TMEM229B: variants seen among roughly 807,000 people sequenced by gnomAD.
The protein encoded by TMEM229B is chromosome 14 open reading frame 83.
Under a neutral mutation model 13.7 loss-of-function variants are expected in TMEM229B, and 6 were observed. The ratio of observed to expected loss-of-function variants is 0.44; its 90% CI spans 0.24 to 0.86. The LOEUF is 0.86. Among genes scored for constraint, TMEM229B ranks in the 40% least tolerant of loss-of-function variants. The probability of loss-of-function intolerance (pLI) is 0.23; values close to 1 mark genes in which losing one functional copy is unlikely to be tolerated. For synonymous variants in TMEM229B, 107 were observed against 102.1 expected, an observed-to-expected ratio of 1.05 and a Z score of -0.29; for missense variants, 170 against 236.0, an observed-to-expected ratio of 0.72 and a Z score of 1.83.
intron 2 of TMEM229B, among the ~76,000 whole-genome samples, chr14:67,475,968 C>T (rs1482382546): frequency 6.6e-6 from 1 of 152,246 alleles, no homozygotes; most frequent in Non-Finnish European, 1.5e-5. Context: ...CAGGCCCGTC[C>T]TGGGCAGGCC....
upstream of TMEM229B, among the ~76,000 whole-genome samples, chr14:67,489,476 C>T (rs560081850): frequency 2.6e-5 from 4 of 152,334 alleles, no homozygotes; most frequent in East Asian, 1.9e-4. Context: ...ATGCCTGAGA[C>T]GCTGCTGGGA....
chr14:67,496,391 GTTTTTTTTTTTTTT>G lies in TMEM229B; in HGVS notation c.-191-9233_-191-9220del, dbSNP rs555715850. Reference sequence around the variant, plus strand: ...TACAGGTGTGAGCCACTGCTCCGGCGTTTTTTTTTTTTTTTTTTTTTTTTTTTTTTGAGACAGGG... The same window carrying G: ...TACAGGTGTGAGCCACTGCTCCGGCGTTTTTTTTTTTTTTTTGAGACAGGG... On this transcript the variant is annotated intron_variant, in intron 1 of 2. Coordinates refer to the TMEM229B transcript ENST00000357461. Among the ~76,000 whole-genome samples the G allele has an allele frequency of 4.0e-4, 12 of 30,108 alleles. 1 individual carries two copies. The highest frequency in any genetic ancestry group is 1.9e-3 in the Admixed American group (3 of 1,550). 19.8% of individuals were successfully genotyped at this position (30,108 alleles called of 152,430 possible). A position where few individuals can be genotyped will look rare whatever the true frequency, so the allele number is the denominator to read the frequency against.
chr14:67,480,845 GT>G (rs1178747085), intron 2 of TMEM229B, among the ~76,000 whole-genome samples: 1 of 152,162 alleles, frequency 6.6e-6, no homozygotes, highest in Non-Finnish European at 1.5e-5. Flanking sequence ...GCCCAGACCG[GT>G]TTCCCAGCTG....
intron 2 of TMEM229B, among the ~76,000 whole-genome samples, chr14:67,483,355 A>T (rs2031698198): frequency 6.6e-6 from 1 of 152,062 alleles, no homozygotes; most frequent in Non-Finnish European, 1.5e-5. Context: ...TGGGATTCAA[A>T]CCCCACAAAT....
chr14:67,499,727 C>T (rs894047178), intron 1 of TMEM229B, among the ~76,000 whole-genome samples: 2 of 152,112 alleles, frequency 1.3e-5, no homozygotes, highest in African/African-American at 4.8e-5. Context: ...GTTAAAAAGG[C>T]AGTGCCAGAA....
chr14:67,498,451 A>G (rs2032478745), intron 1 of TMEM229B, among the ~76,000 whole-genome samples: 1 of 152,062 alleles, frequency 6.6e-6, no homozygotes, highest in African/African-American at 2.4e-5. Context: ...CTTTCCCTTT[A>G]TTTCTTTCTC....
At chr14:67,509,131 T>A (rs1327247774) in intron 1 of TMEM229B, among the ~76,000 whole-genome samples, 1 of 152,136 alleles carries the variant, frequency 6.6e-6, no homozygotes. Context: ...GAAATGGGGT[T>A]TATGAGATGT....
At chr14:67,506,581 G>T (rs2032834258) in intron 1 of TMEM229B, among the ~76,000 whole-genome samples, 1 of 152,186 alleles carries the variant, frequency 6.6e-6, no homozygotes, top group South Asian at 2.1e-4. Context: ...AGACAGGTAG[G>T]GATGGAAAAT....
intron 1 of TMEM229B, among the ~76,000 whole-genome samples, chr14:67,520,912 A>G (rs2033282128): frequency 6.6e-6 from 1 of 152,252 alleles, no homozygotes; most frequent in Non-Finnish European, 1.5e-5. Context: ...AAGCAGATGT[A>G]GCAATTTTGC....
At chr14:67,512,063 T>C (rs1247233322) in intron 1 of TMEM229B, among the ~76,000 whole-genome samples, 1 of 152,248 alleles carries the variant, frequency 6.6e-6, no homozygotes, top group Non-Finnish European at 1.5e-5. Context: ...ACGTAAATTC[T>C]GAGTGCATCT....
chr14:67,515,802 G>C (rs1347749252), upstream of TMEM229B, among the ~76,000 whole-genome samples: 1 of 150,502 alleles, frequency 6.6e-6, no homozygotes, highest in Non-Finnish European at 1.5e-5. Context: ...AGACCACGTG[G>C]TGTGGCAGAC....
At chr14:67,481,097 C>T (rs952053126) in intron 2 of TMEM229B, among the ~76,000 whole-genome samples, 5 of 151,936 alleles carry the variant, frequency 3.3e-5, no homozygotes, top group Non-Finnish European at 7.4e-5. Context: ...TCGAGACCAG[C>T]CTGGGCAACA....
At chr14:67,485,786 G>A (rs908803384) in intron 2 of TMEM229B, among the ~76,000 whole-genome samples, 7 of 152,368 alleles carry the variant, frequency 4.6e-5, no homozygotes, top group Middle Eastern at 3.4e-3. Flanking sequence ...GCAGGGCTGT[G>A]CAGTTAGGAG....
intron 1 of TMEM229B, among the ~76,000 whole-genome samples, chr14:67,532,072 G>C (rs979831529): frequency 3.3e-5 from 5 of 152,152 alleles, no homozygotes; most frequent in African/African-American, 1.2e-4. Context: ...ATCCCCACGA[G>C]CTATAAAGCT....
Position 67,473,697 on chromosome 14 carries a change from C to T in TMEM229B, c.227G>A (p.Arg76His). 6.3e-7 allele frequency: 1 copy of T among 1,590,496 alleles called. No individual in the cohort carries two copies. Among genetic ancestry groups the T allele is most frequent in the Non-Finnish European group, 8.6e-7 (1 of 1,168,874 alleles). Residue 76 changes from arginine to histidine, a missense_variant, in exon 3 of 3, where the codon CGC (arginine) becomes CAC (histidine). By Grantham distance (29) the Arg-to-His change is conservative. Coordinates refer to ENST00000554480, the MANE Select transcript of TMEM229B (RefSeq NM_001348543.2). This position sits in a 1 kb window ranked among gnomAD's most constrained non-coding sequence, Gnocchi z 6.5. ...RLRGRCPLLL[R>H]CLIYTLWTYL... ...GGTCCAGAGCGTGTAGATGAGGCAG[C>T]GCAGGAGCAGCGGGCAGCGGCCGCG...
At chr14:67,524,178 A>G (rs2033332957) in intron 1 of TMEM229B, among the ~76,000 whole-genome samples, 1 of 152,096 alleles carries the variant, frequency 6.6e-6, no homozygotes, top group African/African-American at 2.4e-5. Context: ...ATGTTCCCCA[A>G]GTTCCCGGGC....
chr14:67,517,080 G>A (rs4899205), upstream of TMEM229B, among the ~76,000 whole-genome samples: 617 of 152,288 alleles, frequency 4.1e-3, 5 homozygotes, highest in South Asian at 9.9e-3. Context: ...AGAGAGTCAG[G>A]GCTACAGGCA....
chr14:67,486,490 G>C (rs193209302), intron 2 of TMEM229B, among the ~76,000 whole-genome samples: 358 of 152,276 alleles, frequency 2.4e-3, no homozygotes, highest in African/African-American at 8.2e-3. Flanking sequence ...GGCCAGGATG[G>C]TCTCAATCTG....
intron 1 of TMEM229B, among the ~76,000 whole-genome samples, chr14:67,529,561 A>T (rs944541686): frequency 6.6e-6 from 1 of 152,124 alleles, no homozygotes; most frequent in African/African-American, 2.4e-5. Context: ...ACACATATAC[A>T]CGCTCACACA....
Sources: gnomAD v4.1 joint callset for allele counts (sites outside exome capture counted in the v4.1 genomes callset) on GRCh38, gnomAD v4.1.1 for gene constraint, Gnocchi (gnomAD v3.1) non-coding constraint, MANE v1.5 for transcripts, NCBI Gene and HGNC (gene_info 2026-07-23, HGNC 2026-07-21) for gene names.